TNNI3K: variants seen among roughly 807,000 people sequenced by gnomAD.
TNNI3K encodes the protein TNNI3 interacting kinase.
A neutral mutation model predicts 114.5 loss-of-function variants in TNNI3K; 140 were observed. The ratio of observed to expected loss-of-function variants is 1.22; its 90% CI spans 1.07 to 1.41. The LOEUF is 1.41. Among genes scored for constraint, TNNI3K ranks in the 40% most tolerant of loss-of-function variants. The pLI, the probability that TNNI3K is intolerant of heterozygous loss-of-function variation, is 0.00. For missense variants in TNNI3K, 1,125 were observed against 1,007.6 expected, an observed-to-expected ratio of 1.12 and a Z score of -1.58; for synonymous variants, 347 against 347.5, an observed-to-expected ratio of 1.00 and a Z score of 0.02.
chr1:74,358,996 T>A (rs899439488), intron 11 of TNNI3K, among the ~76,000 whole-genome samples: 4 of 151,998 alleles, frequency 2.6e-5, no homozygotes, highest in Non-Finnish European at 5.9e-5. Context: ...GTTTTATAGA[T>A]AAAGAGATTA....
At chr1:74,451,461 A>C (rs1439571973) in intron 20 of TNNI3K, among the ~76,000 whole-genome samples, 8 of 152,122 alleles carry the variant, frequency 5.3e-5, no homozygotes, top group South Asian at 2.1e-4. Context: ...AAATATAATA[A>C]ATTTTATTGC....
chr1:74,241,895 G>T (rs1654246826), intron 2 of TNNI3K, among the ~76,000 whole-genome samples: 1 of 149,268 alleles, frequency 6.7e-6, no homozygotes, highest in South Asian at 2.1e-4. Context: ...TGTCGCCCAG[G>T]CTGGAGTGCA....
intron 2 of TNNI3K, among the ~76,000 whole-genome samples, chr1:74,245,933 T>C (rs1324801831): frequency 2.6e-5 from 4 of 152,232 alleles, no homozygotes; most frequent in African/African-American, 7.2e-5. Flanking sequence ...CTCAACTTGC[T>C]TTGGAAAGCC....
chr1:74,427,012 T>C (rs528569204), intron 17 of TNNI3K, among the ~76,000 whole-genome samples: 2 of 152,116 alleles, frequency 1.3e-5, no homozygotes, highest in Non-Finnish European at 2.9e-5. Flanking sequence ...GAATAAGGGA[T>C]CATTTAATGA....
Position 74,463,534 on chromosome 1 carries a change from G to A in TNNI3K, c.2105G>A (p.Trp702Ter), listed in dbSNP as rs1196366116. Residue 702 changes from tryptophan (W) to a stop codon, truncating the protein, a stop_gained, in exon 21 of 25, where the codon TGG becomes TAG. Coordinates refer to ENST00000326637, the MANE Select transcript of TNNI3K (RefSeq NM_015978.3). LOFTEE classifies it high-confidence loss of function. ...KPISSLLIRG[W>*]NACPEGRPEF... ...ATATCATCTCTGCTGATACGAGGGTGGAACGCATGTCCTGAAGTGAGTAAT... is the reference window on the plus strand; with the variant it reads ...ATATCATCTCTGCTGATACGAGGGTAGAACGCATGTCCTGAAGTGAGTAAT... The A allele has an allele frequency of 3.1e-6, 5 of 1,614,066 alleles. No individual in the cohort carries two copies. The highest frequency in any genetic ancestry group is 1.3e-5 in the African/African-American group (1 of 74,920).
At chr1:74,384,573 C>G (rs1297009704) in intron 17 of TNNI3K, among the ~76,000 whole-genome samples, 1 of 152,084 alleles carries the variant, frequency 6.6e-6, no homozygotes, top group African/African-American at 2.4e-5. Context: ...ATTTTATTTT[C>G]TAACCTGCAG....
intron 5 of TNNI3K, among the ~76,000 whole-genome samples, chr1:74,316,053 C>T (rs977501184): frequency 5.3e-5 from 8 of 152,116 alleles, no homozygotes; most frequent in African/African-American, 1.9e-4. Flanking sequence ...TTCTTTTACA[C>T]AATTATTAAA....
At chr1:74,331,626 G>A (rs1490376073) in intron 6 of TNNI3K, 78 bp downstream of exon 6, 2 of 1,228,848 alleles carry the variant, frequency 1.6e-6, no homozygotes, top group East Asian at 2.7e-5. Context: ...TAGCTTCAAA[G>A]AGTTTATATT....
chr1:74,275,636 A>G (rs1344909228), intron 5 of TNNI3K, among the ~76,000 whole-genome samples: 1 of 152,112 alleles, frequency 6.6e-6, no homozygotes, highest in Non-Finnish European at 1.5e-5. Flanking sequence ...TAGGAAGGAA[A>G]GAATGAGATA....
chr1:74,246,652 C>T (rs1484406135), intron 2 of TNNI3K, among the ~76,000 whole-genome samples: 1 of 152,126 alleles, frequency 6.6e-6, no homozygotes, highest in Non-Finnish European at 1.5e-5. Flanking sequence ...ATGTAACCAG[C>T]AGCCTAAGCA....
chr1:74,342,843 G>C lies in TNNI3K; in HGVS notation c.684G>C (p.Val228=), dbSNP rs1189849350. 2.5e-6 allele frequency: 4 copies of C among 1,613,500 alleles called. No individual in the cohort carries two copies. Among genetic ancestry groups the C allele is most frequent in the Non-Finnish European group, 3.4e-6 (4 of 1,179,784 alleles). The change falls in exon 8 of 25, where the codon GTG becomes GTC. Residue 228 remains valine, a splice_region_variant and synonymous_variant. Coordinates refer to ENST00000326637, the MANE Select transcript of TNNI3K (RefSeq NM_015978.3). ...CTTTTTCTTTCTTGCTGATAACAGT[G>C]AATGCTCAAGATAATGAAGACCATG... ...LLMEEGSKAD[V]NAQDNEDHVP... is the part of the protein sequence containing the mutation.
chr1:74,392,738 G>A (rs999190658), intron 17 of TNNI3K, among the ~76,000 whole-genome samples: 15 of 152,154 alleles, frequency 9.9e-5, no homozygotes, highest in Admixed American at 2.6e-4. Context: ...TATTGTGACC[G>A]AGTACCTCCC....
intron 7 of TNNI3K, among the ~76,000 whole-genome samples, chr1:74,339,083 C>T (rs2100434307): frequency 6.6e-6 from 1 of 152,264 alleles, no homozygotes; most frequent in Middle Eastern, 3.4e-3. Context: ...CTCTGCACAA[C>T]TCCAGAGCTC....
chr1:74,290,714 A>G (rs748222943), intron 5 of TNNI3K, among the ~76,000 whole-genome samples: 1 of 151,682 alleles, frequency 6.6e-6, no homozygotes, highest in African/African-American at 2.4e-5. Flanking sequence ...CTTTCTTTTT[A>G]GTTTTTCTTA....
chr1:74,287,664 T>G (rs1454908266), intron 5 of TNNI3K, among the ~76,000 whole-genome samples: 1 of 152,108 alleles, frequency 6.6e-6, no homozygotes, highest in African/African-American at 2.4e-5. Flanking sequence ...TTTTTGAAAT[T>G]GGTTTGGGCA....
intron 4 of TNNI3K, among the ~76,000 whole-genome samples, chr1:74,267,087 G>A (rs1029100970): frequency 1.3e-5 from 2 of 151,884 alleles, no homozygotes; most frequent in East Asian, 1.9e-4. Context: ...GTGCATAAAG[G>A]AAACTTGTCA....
chr1:74,341,244 T>A (rs933252305), intron 7 of TNNI3K, among the ~76,000 whole-genome samples: 7 of 152,230 alleles, frequency 4.6e-5, no homozygotes, highest in Non-Finnish European at 1.5e-5. Flanking sequence ...GACTGTAGGT[T>A]ATTTGAGAGT....
chr1:74,445,863 G>C (rs1234307023), intron 20 of TNNI3K, among the ~76,000 whole-genome samples: 1 of 152,026 alleles, frequency 6.6e-6, no homozygotes, highest in East Asian at 1.9e-4. Flanking sequence ...GCCCACCTTG[G>C]CCTCCCAAAG....
At chr1:74,258,145 C>T (rs1294270307) in intron 4 of TNNI3K, among the ~76,000 whole-genome samples, 1 of 152,136 alleles carries the variant, frequency 6.6e-6, no homozygotes, top group Admixed American at 6.5e-5. Context: ...CCAGTATCAC[C>T]ACCATTCACC....
Sources: gnomAD v4.1 joint callset for allele counts (sites outside exome capture counted in the v4.1 genomes callset) on GRCh38, gnomAD v4.1.1 for gene constraint, MANE v1.5 for transcripts, NCBI Gene and HGNC (gene_info 2026-07-23, HGNC 2026-07-21) for gene names.